Variants in UGGT2 observed in about 807,000 individuals in gnomAD.
The protein encoded by UGGT2 is UDP-glucose glycoprotein glucosyltransferase 2.
UGGT2 carries 180 observed loss-of-function variants against 192.1 expected under a neutral mutation model. The observed-to-expected ratio is 0.94, with a 90% confidence interval of 0.83 to 1.06. The LOEUF is 1.06. Ranked by LOEUF, UGGT2 falls within the 50% of genes least tolerant of loss-of-function variation. UGGT2 has a pLI of 0.00. For missense variants in UGGT2, 1,849 were observed against 1,795.7 expected (o/e 1.03, Z -0.54); for synonymous variants, 580 against 591.0 (o/e 0.98, Z 0.27).
chr13:96,048,191 CA>C (rs2053376259), intron 1 of UGGT2, among the ~76,000 whole-genome samples: 1 of 152,158 alleles, frequency 6.6e-6, no homozygotes, highest in Admixed American at 6.5e-5. Flanking sequence ...CACTCATAAC[CA>C]CTCAACTACA....
chr13:95,908,105 CA>C (rs1273312354), intron 20 of UGGT2, among the ~76,000 whole-genome samples: 5 of 152,118 alleles, frequency 3.3e-5, no homozygotes, highest in African/African-American at 1.2e-4. Context: ...GACACATGCA[CA>C]AGCTTCAATA....
At chr13:95,886,642 T>C (rs146458669) in intron 26 of UGGT2, among the ~76,000 whole-genome samples, 2 of 152,318 alleles carry the variant, frequency 1.3e-5, no homozygotes, top group Admixed American at 1.3e-4. Context: ...CAATGAGATA[T>C]ATGGACAAGA....
At chr13:95,997,552 A>G (rs2051664150) in intron 6 of UGGT2, among the ~76,000 whole-genome samples, 2 of 152,282 alleles carry the variant, frequency 1.3e-5, no homozygotes, top group South Asian at 4.1e-4. Flanking sequence ...CTGAAGCAAG[A>G]GAATTGCTTC....
intron 1 of UGGT2, among the ~76,000 whole-genome samples, chr13:96,034,005 G>C (rs1483335983): frequency 1.3e-5 from 2 of 152,208 alleles, no homozygotes; most frequent in Non-Finnish European, 2.9e-5. Flanking sequence ...CTCTTCCATG[G>C]ACTGCAGTGA....
Position 95,830,056 on chromosome 13 carries a change from C to T in UGGT2, c.4528+2871G>A, listed in dbSNP as rs184821588. Among the ~76,000 whole-genome samples, 134 of 152,268 alleles carry T rather than the reference C, an allele frequency of 8.8e-4. 1 individual carries two copies. The highest frequency in any genetic ancestry group is 3.1e-3 in the African/African-American group (127 of 41,564). On this transcript the variant is annotated intron_variant, in intron 38 of 38. Coordinates refer to ENST00000376747, the MANE Select transcript of UGGT2 (RefSeq NM_020121.4). ...AGGATTCCTTATTTAATAAATGGTGCTGGGAAAACTGGCTAGTCATATGTA... is the reference window on the plus strand; with the variant it reads ...AGGATTCCTTATTTAATAAATGGTGTTGGGAAAACTGGCTAGTCATATGTA...
chr13:95,844,030 G>A (rs537904494), intron 36 of UGGT2, among the ~76,000 whole-genome samples: 12 of 151,632 alleles, frequency 7.9e-5, no homozygotes, highest in East Asian at 1.9e-4. Flanking sequence ...GCATGATCTC[G>A]GCTCACTGCA....
intron 38 of UGGT2, among the ~76,000 whole-genome samples, chr13:95,807,842 T>C (rs1884396175): frequency 6.6e-6 from 1 of 151,854 alleles, no homozygotes. Context: ...ATGTATTGCT[T>C]GGGGCTTGAT....
In UGGT2 at chr13:95,958,004, C is replaced by T. The variant is rs1461477364; in HGVS notation, c.1336-8550G>A. On this transcript the variant is annotated intron_variant, in intron 12 of 38. Transcript: ENST00000376747. ...AAGAGTGGTAGAAAACAGTAACAAA[C>T]ATCTATATAACAAGTCACTTCGTGT... Among the ~76,000 whole-genome samples the T allele has an allele frequency of 3.3e-5, 5 of 152,154 alleles. No homozygotes were observed. The East Asian group carries it at 9.6e-4, about 29-fold the overall frequency.
rs10568232 is a variant in UGGT2, at chr13:95,972,136, A to AT, written c.1184+443dup. Among the ~76,000 whole-genome samples, 106 of 141,820 alleles carry AT rather than the reference A, an allele frequency of 7.5e-4. 1 individual carries two copies. Among genetic ancestry groups the AT allele is most frequent in the Non-Finnish European group, 8.9e-4 (57 of 64,384 alleles). The allele number at this position is 141,820 out of a possible 152,430, so 93.0% of individuals were successfully genotyped here. On this transcript the variant is annotated intron_variant, in intron 11 of 38. Coordinates refer to ENST00000376747, the MANE Select transcript of UGGT2 (RefSeq NM_020121.4). ...ATTCTGAGCAAAAAAATTTTGAAGAATTTTTTTTTTTTTTTTTGACAAGAA... is the reference window on the plus strand; with the variant it reads ...ATTCTGAGCAAAAAAATTTTGAAGAATTTTTTTTTTTTTTTTTTGACAAGAA...
In UGGT2 at chr13:95,887,915, C is replaced by A; in HGVS notation, c.3015G>T (p.Arg1005Ser). 1 of 1,602,540 alleles carries A rather than the reference C, an allele frequency of 6.2e-7. No individual in the cohort carries two copies. The highest frequency in any genetic ancestry group is 1.7e-4 in the Middle Eastern group (1 of 5,876). Residue 1005 changes from arginine to serine, a missense_variant, in exon 26 of 39, where the codon AGG becomes AGT. Transcript: ENST00000376747. ...ACCTTTCTAAAGGGGCTTCTGAAAG[C>A]CTGCCCCTACAGTTCATGAACAACT... is the stretch of plus-strand genomic sequence containing the variant. ...KIKLFMNCRG[R>S]LSEAPLESFY...
chr13:95,919,118 C>A (rs1306478261), intron 20 of UGGT2, among the ~76,000 whole-genome samples: 2 of 152,128 alleles, frequency 1.3e-5, no homozygotes, highest in Non-Finnish European at 2.9e-5. Context: ...AAGGACAAAA[C>A]CACATGATTA....
rs755266395 is a variant in UGGT2 at position 95,927,070 on chromosome 13, TC to T, written c.2157del (p.Ser720ValfsTer3). On this transcript the variant is annotated frameshift_variant, in exon 19 of 39. Transcript: ENST00000376747. LOFTEE classifies it high-confidence loss of function. ...TACATGTTCTTTGCAATTACAGCAC[TC>T]TTATCTTGTGAATCCAAGAAAAAGA... ...STFFFLDSQD[K>X]SAVIAKNMYY... The T allele has an allele frequency of 1.1e-5, 17 of 1,611,376 alleles. No individual in the cohort carries two copies. Among genetic ancestry groups the T allele is most frequent in the Non-Finnish European group, 1.4e-5 (17 of 1,179,260 alleles).
At chr13:96,052,795 T>G (rs1413319018) in intron 1 of UGGT2, among the ~76,000 whole-genome samples, 1 of 152,184 alleles carries the variant, frequency 6.6e-6, no homozygotes, top group Non-Finnish European at 1.5e-5. Context: ...ATGTCATCAT[T>G]ACGAAACTAG....
intron 10 of UGGT2, among the ~76,000 whole-genome samples, chr13:95,975,158 G>T (rs2050897419): frequency 6.6e-6 from 1 of 152,142 alleles, no homozygotes; most frequent in South Asian, 2.1e-4. Context: ...CAGAGAGGAA[G>T]TAGGAATATG....
At chr13:95,845,816 ACGGGGTGG>A (rs1466196162) in intron 36 of UGGT2, among the ~76,000 whole-genome samples, 81 of 142,670 alleles carry the variant, frequency 5.7e-4, no homozygotes, top group East Asian at 2.4e-3. Context: ...CACATCTCAG[ACGGGGTGG>A]CGGGGTGGCG....
intron 3 of UGGT2, 45 bp from the exon 4 acceptor site, chr13:96,023,197 C>T: frequency 6.8e-7 from 1 of 1,474,188 alleles, no homozygotes; most frequent in Non-Finnish European, 9.1e-7. Flanking sequence ...TTGATAATTA[C>T]AATATGATTT....
chr13:95,848,676 T>C (rs1450466938), intron 36 of UGGT2, among the ~76,000 whole-genome samples: 1 of 152,244 alleles, frequency 6.6e-6, no homozygotes, highest in Non-Finnish European at 1.5e-5. Context: ...TCTTGATTAC[T>C]ATAGCTTTAC....
intron 2 of UGGT2, among the ~76,000 whole-genome samples, chr13:96,030,686 C>G (rs1260345856): frequency 6.6e-6 from 1 of 152,154 alleles, no homozygotes; most frequent in Non-Finnish European, 1.5e-5. Flanking sequence ...GAAGATGTCT[C>G]TATATCTAAA....
chr13:95,973,753 T>C (rs145614221), intron 10 of UGGT2, among the ~76,000 whole-genome samples: 3 of 152,336 alleles, frequency 2.0e-5, no homozygotes, highest in Non-Finnish European at 4.4e-5. Context: ...GGTTTAATCC[T>C]GATCTTTCTA....
Sources: gnomAD v4.1 joint callset for allele counts (sites outside exome capture counted in the v4.1 genomes callset) on GRCh38, gnomAD v4.1.1 for gene constraint, MANE v1.5 for transcripts, NCBI Gene and HGNC (gene_info 2026-07-23, HGNC 2026-07-21) for gene names.